Variants in ASPH observed in about 807,000 individuals in gnomAD.
The protein encoded by ASPH is aspartate beta-hydroxylase.
ASPH carries 100 observed loss-of-function variants against 118.4 expected under a neutral mutation model. The ratio of observed to expected loss-of-function variants is 0.84; its 90% CI spans 0.72 to 1.00. The LOEUF is 1.00. Ranked by LOEUF, ASPH falls within the 50% of genes least tolerant of loss-of-function variation. ASPH has a pLI of 0.00. For synonymous variants in ASPH, 315 were observed against 325.6 expected, an observed-to-expected ratio of 0.97 and a Z score of 0.35; for missense variants, 920 against 919.5, an observed-to-expected ratio of 1.00 and a Z score of -0.01.
intron 15 of ASPH, among the ~76,000 whole-genome samples, chr8:61,580,226 G>A (rs1409954851): frequency 2.6e-5 from 4 of 152,198 alleles, no homozygotes; most frequent in African/African-American, 9.7e-5. Context: ...GGGCCTGCAG[G>A]ATGGTGGCCG....
At chr8:61,702,280 C>CTTTTT (rs71257379) in intron 1 of ASPH, among the ~76,000 whole-genome samples, 26 of 123,378 alleles carry the variant, frequency 2.1e-4, no homozygotes, top group Non-Finnish European at 2.9e-4. Context: ...ATAGCTACTT[C>CTTTTT]TTTTTTTTTT....
intron 13 of ASPH, among the ~76,000 whole-genome samples, chr8:61,629,557 A>C (rs1427144949): frequency 6.6e-6 from 1 of 152,244 alleles, no homozygotes; most frequent in Non-Finnish European, 1.5e-5. Context: ...TCAAATCTTA[A>C]GCTTAAGCTT....
At chr8:61,590,135 T>A (rs1840657883) in intron 14 of ASPH, among the ~76,000 whole-genome samples, 1 of 152,108 alleles carries the variant, frequency 6.6e-6, no homozygotes, top group Non-Finnish European at 1.5e-5. Context: ...ACATAAATTT[T>A]CTTACAATAA....
At chr8:61,628,250 C>T (rs1644337293) in intron 13 of ASPH, 1 of 302,316 alleles carries the variant, frequency 3.3e-6, no homozygotes, top group South Asian at 2.7e-5. Flanking sequence ...GCTTTGACCT[C>T]CTGGACTCAA....
intron 15 of ASPH, chr8:61,583,541 C>CAA (rs11311318): frequency 6.2e-5 from 7 of 112,902 alleles, no homozygotes; most frequent in South Asian, 2.7e-4. Flanking sequence ...AGGCTCTGTC[C>CAA]AAAAAAAAAA....
At chr8:61,699,243 C>T (rs1834676159) in intron 1 of ASPH, among the ~76,000 whole-genome samples, 1 of 152,234 alleles carries the variant, frequency 6.6e-6, no homozygotes, top group Non-Finnish European at 1.5e-5. Flanking sequence ...GGCCTTCACC[C>T]TAACAGCATG....
intron 12 of ASPH, among the ~76,000 whole-genome samples, chr8:61,636,447 G>A (rs903184028): frequency 6.6e-6 from 1 of 152,088 alleles, no homozygotes; most frequent in Admixed American, 6.5e-5. Flanking sequence ...TGATACAACC[G>A]GCCAAGAGAA....
At chr8:61,591,187 T>G (rs1011629127) in intron 14 of ASPH, among the ~76,000 whole-genome samples, 1 of 152,192 alleles carries the variant, frequency 6.6e-6, no homozygotes, top group Admixed American at 6.5e-5. Context: ...TCTAAAGGCA[T>G]GAATGCATGC....
At chr8:61,548,369 G>A (rs139529752) in intron 20 of ASPH, among the ~76,000 whole-genome samples, 161 bp from the exon 21 acceptor site, 57 of 152,262 alleles carry the variant, frequency 3.7e-4, no homozygotes, top group African/African-American at 1.4e-3. Context: ...TGAAAATATT[G>A]TTATTTCACT....
chr8:61,518,195 A>G, intron 22 of ASPH, 72 bp from the exon 23 acceptor site: 4 of 1,338,340 alleles, frequency 3.0e-6, no homozygotes, highest in Non-Finnish European at 4.3e-6. Flanking sequence ...AGATGAGGTG[A>G]GAGCTATATG....
At chr8:61,706,391 C>T (rs765729494) in intron 1 of ASPH, among the ~76,000 whole-genome samples, 14 of 102,692 alleles carry the variant, frequency 1.4e-4, no homozygotes, top group Admixed American at 7.8e-4. Flanking sequence ...GGTGAAAGAG[C>T]GAGGTCATGA....
intron 3 of ASPH, among the ~76,000 whole-genome samples, chr8:61,666,184 A>G (rs1288972261): frequency 6.6e-6 from 1 of 152,200 alleles, no homozygotes. Context: ...GAAAAATTAG[A>G]ATTCTCTTTC....
chr8:61,648,602 C>T (rs1035002258), intron 5 of ASPH, among the ~76,000 whole-genome samples: 3 of 152,158 alleles, frequency 2.0e-5, no homozygotes, highest in Non-Finnish European at 4.4e-5. Context: ...CTTTCGTATG[C>T]GGTTGTTCAG....
chr8:61,712,053 T>G (rs1178554896), intron 1 of ASPH, among the ~76,000 whole-genome samples: 1 of 152,186 alleles, frequency 6.6e-6, no homozygotes, highest in Non-Finnish European at 1.5e-5. Flanking sequence ...GGGTTCTTAG[T>G]CTCGGTTCTT....
intron 1 of ASPH, among the ~76,000 whole-genome samples, chr8:61,713,062 A>C (rs1838436760): frequency 1.3e-5 from 2 of 152,242 alleles, no homozygotes; most frequent in Admixed American, 1.3e-4. Context: ...TGAAAAAGGA[A>C]CACAAACTTT....
rs1188373080 is a variant in ASPH, at chr8:61,644,018, A to T, written c.653-17T>A. 6.4e-7 allele frequency: 1 copy of T among 1,569,832 alleles called. No homozygotes were observed. The highest frequency in any genetic ancestry group is 2.3e-5 in the East Asian group (1 of 44,442). Reference sequence around the variant, plus strand: ...CTTGTGAAACTATAAATTATGGAATAATTAGGAAATTACGTCTCAAATAAG... The same window carrying T: ...CTTGTGAAACTATAAATTATGGAATTATTAGGAAATTACGTCTCAAATAAG... On this transcript the variant is annotated splice_polypyrimidine_tract_variant and intron_variant, in intron 7 of 24. Transcript: ENST00000379454.
At chr8:61,526,729 A>G (rs1274837071) in intron 21 of ASPH, among the ~76,000 whole-genome samples, 1 of 152,184 alleles carries the variant, frequency 6.6e-6, no homozygotes, top group Non-Finnish European at 1.5e-5. Flanking sequence ...CCCCTGCCAG[A>G]AAGGGAGCTT....
chr8:61,543,736 T>C (rs1822787111), intron 21 of ASPH, among the ~76,000 whole-genome samples: 1 of 152,226 alleles, frequency 6.6e-6, no homozygotes, highest in Non-Finnish European at 1.5e-5. Context: ...TAATACAATG[T>C]GGCAATTCTG....
chr8:61,609,443 C>G (rs1340030383), intron 14 of ASPH, among the ~76,000 whole-genome samples: 4 of 152,092 alleles, frequency 2.6e-5, no homozygotes, highest in Non-Finnish European at 5.9e-5. Flanking sequence ...TCACTGCTGA[C>G]CGGGCATGGT....
Sources: gnomAD v4.1 joint callset for allele counts (sites outside exome capture counted in the v4.1 genomes callset) on GRCh38, gnomAD v4.1.1 for gene constraint, MANE v1.5 for transcripts, NCBI Gene and HGNC (gene_info 2026-07-23, HGNC 2026-07-21) for gene names.